Variants in SLC30A8 observed in about 807,000 individuals in gnomAD.
SLC30A8 encodes proton-coupled zinc antiporter SLC30A8.
SLC30A8 carries 27 observed loss-of-function variants against 36.9 expected under a neutral mutation model. The ratio of observed to expected loss-of-function variants is 0.73; its 90% CI spans 0.54 to 1.01. The LOEUF is 1.01. SLC30A8 is among the 50% of genes least tolerant of loss of function. SLC30A8 has a pLI of 0.00. For missense variants in SLC30A8, 439 were observed against 452.0 expected (o/e 0.97, Z 0.26); for synonymous variants, 164 against 172.4 (o/e 0.95, Z 0.38).
At chr8:117,065,012 A>G (rs1016938474) in intron 2 of SLC30A8, among the ~76,000 whole-genome samples, 3 of 152,260 alleles carry the variant, frequency 2.0e-5, no homozygotes, top group African/African-American at 7.2e-5. Context: ...GTCTTTACAC[A>G]TTAAAATGTG....
At chr8:117,020,076 C>T (rs986871817) in intron 1 of SLC30A8, among the ~76,000 whole-genome samples, 39 of 152,254 alleles carry the variant, frequency 2.6e-4, no homozygotes, top group African/African-American at 9.4e-4. Context: ...CAGTGCAGGG[C>T]TCAGTCATAG....
chr8:117,165,390 T>C (rs1823007881), intron 6 of SLC30A8, among the ~76,000 whole-genome samples: 1 of 152,228 alleles, frequency 6.6e-6, no homozygotes, highest in South Asian at 2.1e-4. Flanking sequence ...TATATTTATC[T>C]GCACAGCAAG....
intron 1 of SLC30A8, among the ~76,000 whole-genome samples, chr8:116,995,186 C>T (rs941683104): frequency 6.6e-6 from 1 of 152,056 alleles, no homozygotes; most frequent in Non-Finnish European, 1.5e-5. Context: ...CCTGAGATGG[C>T]TGTGATGCCA....
chr8:117,090,608 C>A (rs781038295), intron 2 of SLC30A8, among the ~76,000 whole-genome samples: 7 of 152,148 alleles, frequency 4.6e-5, no homozygotes, highest in Non-Finnish European at 1.0e-4. Flanking sequence ...GGGCACTAAT[C>A]CCATTAATGA....
At chr8:117,071,659 T>C (rs1455613737) in intron 2 of SLC30A8, among the ~76,000 whole-genome samples, 1 of 152,326 alleles carries the variant, frequency 6.6e-6, no homozygotes, top group African/African-American at 2.4e-5. Context: ...CCATGTTTTC[T>C]TCTTGTAGTT....
At chr8:117,015,909 T>A (rs966690208) in intron 1 of SLC30A8, among the ~76,000 whole-genome samples, 5 of 152,134 alleles carry the variant, frequency 3.3e-5, no homozygotes, top group Non-Finnish European at 7.4e-5. Flanking sequence ...TTCAGAACAA[T>A]GGGCAGAAGT....
chr8:117,130,487 A>G (rs1271891656), upstream of SLC30A8, among the ~76,000 whole-genome samples: 2 of 151,998 alleles, frequency 1.3e-5, no homozygotes. Context: ...TGAAAATTAA[A>G]TGGTGGCATT....
At chr8:117,137,465 G>A (rs541553000) in intron 1 of SLC30A8, among the ~76,000 whole-genome samples, 1 of 152,094 alleles carries the variant, frequency 6.6e-6, no homozygotes, top group East Asian at 1.9e-4. Context: ...ACTACCCCAA[G>A]ATGTAGTGGC....
intron 1 of SLC30A8, among the ~76,000 whole-genome samples, chr8:116,976,798 T>TTTTCTTTCTTTCTTTCTTTCTTTC (rs142957728): frequency 8.0e-6 from 1 of 125,524 alleles, no homozygotes; most frequent in African/African-American, 3.3e-5. Flanking sequence ...CCCCTTTTAT[T>TTTTCTTTCTTTCTTTCTTTCTTTC]TTTCTTTCTT....
At chr8:116,973,913 A>G (rs1285678263) in intron 1 of SLC30A8, among the ~76,000 whole-genome samples, 1 of 152,230 alleles carries the variant, frequency 6.6e-6, no homozygotes, top group Non-Finnish European at 1.5e-5. Flanking sequence ...ATCTTTGACA[A>G]ACCTGACAAA....
At chr8:117,055,604 TG>T (rs1255201470) in intron 2 of SLC30A8, among the ~76,000 whole-genome samples, 2 of 152,252 alleles carry the variant, frequency 1.3e-5, no homozygotes, top group Non-Finnish European at 2.9e-5. Flanking sequence ...TTCTATATTC[TG>T]TGTATTCTTA....
intron 2 of SLC30A8, among the ~76,000 whole-genome samples, chr8:117,120,130 G>A (rs1472123164): frequency 6.6e-6 from 1 of 151,870 alleles, no homozygotes; most frequent in African/African-American, 2.4e-5. Flanking sequence ...CCTATAATTT[G>A]TATGGAAACA....
At chr8:117,132,860 A>T (rs1654783828), upstream of SLC30A8, among the ~76,000 whole-genome samples, 1 of 152,048 alleles carries the variant, frequency 6.6e-6, no homozygotes, top group African/African-American at 2.4e-5. Context: ...TAACATCTGC[A>T]TCTAAATTTA....
intron 1 of SLC30A8, among the ~76,000 whole-genome samples, chr8:116,951,572 A>G (rs1041002743): frequency 6.6e-6 from 1 of 151,890 alleles, no homozygotes; most frequent in Admixed American, 6.6e-5. Context: ...GTATCGTAAT[A>G]CCTTATTGAA....
At chr8:116,988,475 C>G (rs1021738880) in intron 1 of SLC30A8, among the ~76,000 whole-genome samples, 6 of 152,214 alleles carry the variant, frequency 3.9e-5, no homozygotes, top group African/African-American at 1.4e-4. Flanking sequence ...CCAAGCCCTT[C>G]TCTCTTTGGG....
intron 2 of SLC30A8, among the ~76,000 whole-genome samples, chr8:117,051,458 T>C (rs1392366593): frequency 6.6e-6 from 1 of 152,192 alleles, no homozygotes; most frequent in Non-Finnish European, 1.5e-5. Flanking sequence ...AACGGCTTAG[T>C]GTCCACCCCA....
intron 2 of SLC30A8, among the ~76,000 whole-genome samples, chr8:117,069,421 A>AGCTTC (rs1395229071): frequency 1.8e-4 from 27 of 152,178 alleles, no homozygotes; most frequent in African/African-American, 5.8e-4. Context: ...GTTCAGCTGA[A>AGCTTC]ACTCAAATGA....
intron 2 of SLC30A8, among the ~76,000 whole-genome samples, chr8:117,124,921 T>A (rs1480965720): frequency 6.6e-5 from 10 of 151,692 alleles, no homozygotes; most frequent in African/African-American, 2.4e-4. Flanking sequence ...ACCCCTTGTA[T>A]CTAAAATAAA....
At chr8:116,989,374 T>A (rs929547598) in intron 1 of SLC30A8, among the ~76,000 whole-genome samples, 5 of 152,214 alleles carry the variant, frequency 3.3e-5, no homozygotes, top group Non-Finnish European at 7.3e-5. Flanking sequence ...GAGGCATTTT[T>A]AAATTTTGTA....
Sources: allele counts gnomAD v4.1 joint callset (sites outside exome capture counted in the v4.1 genomes callset), GRCh38; gene constraint gnomAD v4.1.1; transcripts MANE v1.5; gene names NCBI Gene and HGNC (gene_info 2026-07-23, HGNC 2026-07-21).